Variants in MDM2 observed in about 807,000 individuals in gnomAD.
The protein encoded by MDM2 is MDM2 proto-oncogene, also known as E3 ubiquitin-protein ligase Mdm2.
Under a neutral mutation model 64.3 loss-of-function variants are expected in MDM2, and 11 were observed. The observed-to-expected ratio is 0.17, with a 90% CI of 0.11 to 0.28. The LOEUF (loss-of-function observed/expected upper bound fraction) is 0.28. Ranked by LOEUF, MDM2 falls within the 10% of genes least tolerant of loss-of-function variation. MDM2 has a pLI of 1.00. For synonymous variants in MDM2, 194 were observed against 192.9 expected (o/e 1.01, Z -0.05); for missense variants, 388 against 577.1 (o/e 0.67, Z 3.36).
chr12:68,808,937 A>C, intron 1 of MDM2: 1 of 1,376,384 alleles, frequency 7.3e-7, no homozygotes, highest in Non-Finnish European at 9.4e-7. Context: ...AAGTTCAGAC[A>C]CGTTCCGAAA....
chr12:68,845,599 A>G (rs1448474332), downstream of MDM2: 6 of 179,512 alleles, frequency 3.3e-5, no homozygotes, highest in Admixed American at 1.3e-4. Flanking sequence ...TTTCCTTTAA[A>G]GCTCTCCTTT....
Position 68,841,121 on chromosome 12 carries a change from C to T in MDM2, c.*1272C>T, listed in dbSNP as rs919988119. ...TCAGCCTCCCAAAATGCTGGGATTA[C>T]AGATGTGAGGCACCTGGCCTCAGAT... On this transcript the variant is annotated 3_prime_UTR_variant, in exon 11 of 11. Coordinates refer to ENST00000258149, the MANE Select transcript of MDM2 (RefSeq NM_002392.6). The T allele has an allele frequency of 3.2e-5, 6 of 190,208 alleles. No homozygotes were observed. The highest frequency in any genetic ancestry group is 1.4e-4 in the African/African-American group (6 of 42,764). 11.8% of individuals were successfully genotyped at this position (190,208 alleles called of 1,614,324 possible). A position where few individuals can be genotyped will look rare whatever the true frequency, so the allele number is the denominator to read the frequency against.
At chr12:68,816,292 T>C (rs1489980716) in intron 3 of MDM2, among the ~76,000 whole-genome samples, 2 of 151,692 alleles carry the variant, frequency 1.3e-5, no homozygotes, top group African/African-American at 2.4e-5. Context: ...CATTTTAAGG[T>C]TTGCTTAAGT....
intron 8 of MDM2, 99 bp from the exon 9 acceptor site, chr12:68,835,729 AC>A (rs1371828320): frequency 8.6e-7 from 1 of 1,166,318 alleles, no homozygotes; most frequent in Non-Finnish European, 1.2e-6. Flanking sequence ...CAACTGTTAC[AC>A]CCTGCTGGCA....
chr12:68,831,166 G>A (rs1034911382), intron 8 of MDM2, among the ~76,000 whole-genome samples: 4 of 152,264 alleles, frequency 2.6e-5, no homozygotes, highest in East Asian at 1.9e-4. Context: ...TAGATAAAAC[G>A]ACACGGACAC....
Position 68,839,622 on chromosome 12 carries a change from G to C in MDM2, c.1267G>C (p.Glu423Gln), listed in dbSNP as rs1292651740. The change falls in exon 11 of 11, where the codon GAA becomes CAA. Residue 423 changes from glutamate to glutamine, a missense_variant. Physicochemically the swap from Glu to Gln is conservative, Grantham distance 29 (BLOSUM62 2). Coordinates refer to ENST00000258149, the MANE Select transcript of MDM2 (RefSeq NM_002392.6). ...SQEDVKEFER[E>Q]ETQDKEESVE... ...AGAAGATGTGAAAGAGTTTGAAAGG[G>C]AAGAAACCCAAGACAAAGAAGAGAG... The C allele has an allele frequency of 5.6e-6, 9 of 1,613,328 alleles. No homozygotes were observed. Among genetic ancestry groups the C allele is most frequent in the African/African-American group, 2.7e-5 (2 of 74,662 alleles).
At position 68,844,945 on chromosome 12, in the gene MDM2, T is replaced by C. The variant is rs1255497484; in HGVS notation, c.*5096T>C. On this transcript the variant is annotated 3_prime_UTR_variant, in exon 11 of 11. Coordinates refer to ENST00000258149, the MANE Select transcript of MDM2 (RefSeq NM_002392.6). ...ACCACGCCCCGCTAATTTTTGTATT[T>C]CTAGCAGAGATGAAGTTTCACTATG... 1 of 194,912 alleles carries C rather than the reference T, an allele frequency of 5.1e-6. No individual in the cohort carries two copies. The highest frequency in any genetic ancestry group is 1.1e-5 in the Non-Finnish European group (1 of 93,616). The allele number at this position is 194,912 out of a possible 1,614,324, so 12.1% of individuals were successfully genotyped here.
Position 68,809,194 on chromosome 12 carries a change from T to C in MDM2, c.15-14T>C. On this transcript the variant is annotated splice_polypyrimidine_tract_variant and intron_variant, in intron 1 of 10. Transcript: ENST00000258149. ...TGATTTCCAGTTTTCATCGTGTCTT[T>C]TTTTTCCTTGTAGGCAAATGTGCAA... 1 of 1,610,228 alleles carries C rather than the reference T, an allele frequency of 6.2e-7. No homozygotes were observed. Among genetic ancestry groups the C allele is most frequent in the Non-Finnish European group, 8.5e-7 (1 of 1,178,732 alleles).
At chr12:68,811,164 C>T (rs1880857497) in intron 2 of MDM2, among the ~76,000 whole-genome samples, 1 of 152,160 alleles carries the variant, frequency 6.6e-6, no homozygotes, top group Admixed American at 6.5e-5. Context: ...TGCACCAGGC[C>T]TCCATTTTGT....
chr12:68,833,149 A>AAAAATATAT (rs1555187768), intron 8 of MDM2, among the ~76,000 whole-genome samples: 1 of 65,960 alleles, frequency 1.5e-5, no homozygotes, highest in African/African-American at 6.1e-5. Flanking sequence ...AAAAAAAAAA[A>AAAAATATAT]ATATATATAT....
At chr12:68,825,291 T>G (rs1882219931) in intron 7 of MDM2, among the ~76,000 whole-genome samples, 1 of 152,216 alleles carries the variant, frequency 6.6e-6, no homozygotes, top group Non-Finnish European at 1.5e-5. Flanking sequence ...ATTTTTAAAT[T>G]GTTATTTTTA....
intron 8 of MDM2, among the ~76,000 whole-genome samples, chr12:68,831,618 CAAG>C (rs796590099): frequency 9.2e-5 from 14 of 152,166 alleles, no homozygotes; most frequent in African/African-American, 2.9e-4. Context: ...TTATGCTAGA[CAAG>C]AAATTTTTCT....
chr12:68,832,724 G>C (rs1338319821), intron 8 of MDM2, among the ~76,000 whole-genome samples: 2 of 150,082 alleles, frequency 1.3e-5, no homozygotes. Flanking sequence ...TTGGCCTGTT[G>C]CCCAGGCTGG....
intron 7 of MDM2, among the ~76,000 whole-genome samples, chr12:68,826,670 GA>G (rs1006103135): frequency 2.8e-5 from 4 of 143,084 alleles, no homozygotes; most frequent in Admixed American, 1.4e-4. Context: ...AAAAAGAAAA[GA>G]AAAAAAAGTC....
At chr12:68,849,738 A>C (rs1884574604), downstream of MDM2, 1 of 151,644 alleles carries the variant, frequency 6.6e-6, no homozygotes, top group Admixed American at 6.6e-5. Context: ...TCGGCCTCCC[A>C]AAGTGCTGGG....
Position 68,812,393 on chromosome 12 carries a change from G to A in MDM2, c.100-1161G>A, listed in dbSNP as rs141039678. The stretch of plus-strand genomic sequence containing the variant: ...AGAGGACCGGGGCATATTAAAGAGA[G>A]GTGCAGAGGTACCAGTTTGTGTGGT... On this transcript the variant is annotated intron_variant, in intron 2 of 10. Transcript: ENST00000258149. 5.6e-3 allele frequency among the ~76,000 whole-genome samples: 858 copies of A among 152,304 alleles called. 4 individuals are homozygous for A. Among genetic ancestry groups the A allele is most frequent in the African/African-American group, 0.019 (807 of 41,546 alleles).
intron 2 of MDM2, among the ~76,000 whole-genome samples, chr12:68,809,779 TTTG>T (rs1880700847): frequency 6.6e-6 from 1 of 152,244 alleles, no homozygotes; most frequent in South Asian, 2.1e-4. Flanking sequence ...TATTGTCCTG[TTTG>T]TTGTACTAAC....
rs1161921915 is a variant in MDM2 at position 68,839,296 on chromosome 12, G to A, written c.941G>A (p.Cys314Tyr). The A allele has an allele frequency of 6.2e-7, 1 of 1,613,122 alleles. No homozygotes were observed. The highest frequency in any genetic ancestry group is 8.5e-7 in the Non-Finnish European group (1 of 1,179,646). The change falls in exon 11 of 11, where the codon TGC becomes TAC. Residue 314 changes from cysteine (C) to tyrosine (Y), a missense_variant. Physicochemically the swap from Cys to Tyr is radical, Grantham distance 194 (BLOSUM62 -2). This residue lies in a region of MDM2 where 168 missense variants were observed against 236.6 expected (regional missense o/e 0.71). Transcript: ENST00000258149. ...SLADYWKCTS[C>Y]NEMNPPLPSH... Reference sequence around the variant, plus strand: ...AAGGACTATTGGAAATGCACTTCATGCAATGAAATGAATCCCCCCCTTCCA... The same window carrying A: ...AAGGACTATTGGAAATGCACTTCATACAATGAAATGAATCCCCCCCTTCCA...
chr12:68,839,918 T>G lies in MDM2; in HGVS notation c.*69T>G. 1.4e-6 allele frequency: 2 copies of G among 1,379,530 alleles called. No homozygotes were observed. The highest frequency in any genetic ancestry group is 9.9e-7 in the Non-Finnish European group (1 of 1,010,148). The allele number at this position is 1,379,530 out of a possible 1,614,324, so 85.5% of individuals were successfully genotyped here. ...CCTAGGAATTTAGACAACCTGAAAT[T>G]TATTCACATATATCAAAGTGAGAAA... On this transcript the variant is annotated 3_prime_UTR_variant, in exon 11 of 11. Transcript: ENST00000258149.
Sources: allele counts gnomAD v4.1 joint callset (sites outside exome capture counted in the v4.1 genomes callset), GRCh38; gene constraint gnomAD v4.1.1; regional missense constraint gnomAD v4.1.1; transcripts MANE v1.5; gene names NCBI Gene and HGNC (gene_info 2026-07-23, HGNC 2026-07-21).